The following TMEM178B variants were observed in gnomAD, a reference collection of about 807,000 sequenced individuals.
The protein encoded by TMEM178B is transmembrane protein 178B.
A neutral mutation model predicts 31.0 loss-of-function variants in TMEM178B; 5 were observed. The observed-to-expected ratio is 0.16, with a 90% confidence interval of 0.08 to 0.34. The LOEUF (loss-of-function observed/expected upper bound fraction) is 0.34. Among genes scored for constraint, TMEM178B ranks in the 10% least tolerant of loss-of-function variants. The pLI is 1.00. For synonymous variants in TMEM178B, 164 were observed against 164.0 expected (o/e 1.00, Z 0.00); for missense variants, 275 against 400.3 (o/e 0.69, Z 2.67).
chr7:141,398,339 G>A (rs1472948124), intron 2 of TMEM178B, among the ~76,000 whole-genome samples: 1 of 152,118 alleles, frequency 6.6e-6, no homozygotes, highest in Non-Finnish European at 1.5e-5. Flanking sequence ...TGGGAACATT[G>A]AGGATGGAGG....
intron 2 of TMEM178B, among the ~76,000 whole-genome samples, chr7:141,303,163 G>A (rs955951165): frequency 9.2e-5 from 14 of 152,198 alleles, no homozygotes; most frequent in Middle Eastern, 3.4e-3. Context: ...TGTGTGCATC[G>A]TTGTGGGGAT....
chr7:141,482,701 G>A (rs1211848157), downstream of TMEM178B, among the ~76,000 whole-genome samples: 1 of 152,170 alleles, frequency 6.6e-6, no homozygotes, highest in Non-Finnish European at 1.5e-5. Flanking sequence ...TTATTACACA[G>A]GAAAGATACA....
At chr7:141,426,875 G>A (rs890968045) in intron 2 of TMEM178B, among the ~76,000 whole-genome samples, 1 of 151,940 alleles carries the variant, frequency 6.6e-6, no homozygotes, top group Non-Finnish European at 1.5e-5. Flanking sequence ...AATTAAAGTT[G>A]CAATTTACAA....
At chr7:141,394,802 A>G (rs542550829) in intron 2 of TMEM178B, among the ~76,000 whole-genome samples, 7 of 152,374 alleles carry the variant, frequency 4.6e-5, no homozygotes, top group South Asian at 2.1e-4. Context: ...GAGGAATGAC[A>G]TAAACAGTTC....
In TMEM178B at chr7:141,423,308, C is replaced by T. The variant is rs377693087; in HGVS notation, c.497-14300C>T. On this transcript the variant is annotated intron_variant, in intron 2 of 3. Transcript: ENST00000565468. Reference sequence around the variant, plus strand: ...CCTCCCAAAGTGCTGGGATTACAGGCGTGAGCCACCATGCCCAGCCCATAA... The same window carrying T: ...CCTCCCAAAGTGCTGGGATTACAGGTGTGAGCCACCATGCCCAGCCCATAA... Among the ~76,000 whole-genome samples the T allele has an allele frequency of 1.2e-4, 19 of 152,324 alleles. No individual in the cohort carries two copies. In the East Asian group the frequency reaches 2.9e-3, roughly 23 times the overall value.
intron 3 of TMEM178B, among the ~76,000 whole-genome samples, chr7:141,445,430 C>G (rs1045772964): frequency 6.6e-6 from 1 of 152,230 alleles, no homozygotes; most frequent in African/African-American, 2.4e-5. Context: ...GGTTTCCCCA[C>G]CAGCCTTTCC....
At chr7:141,234,037 C>G (rs1391778922) in intron 2 of TMEM178B, among the ~76,000 whole-genome samples, 1 of 152,202 alleles carries the variant, frequency 6.6e-6, no homozygotes, top group East Asian at 1.9e-4. Flanking sequence ...GTAGTCCTCT[C>G]TGATGCTTCT....
At chr7:141,397,471 G>T (rs1431850225) in intron 2 of TMEM178B, among the ~76,000 whole-genome samples, 1 of 152,112 alleles carries the variant, frequency 6.6e-6, no homozygotes, top group Non-Finnish European at 1.5e-5. Flanking sequence ...AACTTAGAAT[G>T]AGCCATGGTC....
At chr7:141,490,643 G>T in the TMEM178B span, among the ~76,000 whole-genome samples, 1 of 152,250 alleles carries the variant, frequency 6.6e-6, no homozygotes, top group Non-Finnish European at 1.5e-5. Context: ...TACACCTATT[G>T]AGTGTGTAGA....
chr7:141,120,881 C>T (rs981082465), intron 1 of TMEM178B, among the ~76,000 whole-genome samples: 5 of 151,980 alleles, frequency 3.3e-5, no homozygotes, highest in African/African-American at 1.2e-4. Flanking sequence ...GGGAGGATCA[C>T]TTGAGCCCAT....
chr7:141,369,254 T>C (rs775903882), intron 2 of TMEM178B, among the ~76,000 whole-genome samples: 9 of 152,196 alleles, frequency 5.9e-5, no homozygotes, highest in Non-Finnish European at 1.3e-4. Flanking sequence ...CCTAGTATAA[T>C]TTCCTCTCAT....
At chr7:141,351,154 A>G (rs1364965084) in intron 2 of TMEM178B, among the ~76,000 whole-genome samples, 1 of 152,218 alleles carries the variant, frequency 6.6e-6, no homozygotes, top group East Asian at 1.9e-4. Flanking sequence ...AGAGTGTCTC[A>G]CCTATTCCTT....
intron 1 of TMEM178B, among the ~76,000 whole-genome samples, chr7:141,124,457 T>A (rs1332608735): frequency 6.6e-6 from 1 of 152,198 alleles, no homozygotes; most frequent in Non-Finnish European, 1.5e-5. Context: ...TATCAAACAT[T>A]AAGAAGTGAT....
At chr7:141,484,849 G>A (rs75217170), downstream of TMEM178B, among the ~76,000 whole-genome samples, 263 of 152,014 alleles carry the variant, frequency 1.7e-3, 4 homozygotes, top group East Asian at 0.043. This position sits in a 1 kb window ranked among gnomAD's most constrained non-coding sequence, Gnocchi z 4.8. Flanking sequence ...GACGTGAGCC[G>A]GGCTCAGCTG....
rs905478436 is a variant in TMEM178B, at chr7:141,479,521, G to A, written c.*8735G>A. On this transcript the variant is annotated 3_prime_UTR_variant, in exon 4 of 4. Coordinates refer to ENST00000565468, the MANE Select transcript of TMEM178B (RefSeq NM_001195278.2). ...CCTCTTTTGTTTGTGAAAAAGATAG[G>A]TATCGAGATCTTAATGGAGAGAACA... 2 of 152,262 alleles carry A rather than the reference G, an allele frequency of 1.3e-5. No individual in the cohort carries two copies. Among genetic ancestry groups the A allele is most frequent in the East Asian group, 1.9e-4 (1 of 5,190 alleles). The allele number at this position is 152,262 out of a possible 1,614,324, so 9.4% of individuals were successfully genotyped here.
intron 2 of TMEM178B, among the ~76,000 whole-genome samples, chr7:141,246,093 T>A (rs966990010): frequency 3.3e-5 from 5 of 152,142 alleles, no homozygotes; most frequent in African/African-American, 1.2e-4. Flanking sequence ...TATCACAACT[T>A]TTTATTTTTG....
intron 1 of TMEM178B, among the ~76,000 whole-genome samples, chr7:141,128,482 C>T: frequency 6.6e-6 from 1 of 151,978 alleles, no homozygotes; most frequent in East Asian, 1.9e-4. Context: ...AAATGCTTCT[C>T]TACAATGAAC....
intron 1 of TMEM178B, among the ~76,000 whole-genome samples, chr7:141,097,945 C>G (rs1186148561): frequency 1.3e-5 from 2 of 152,032 alleles, no homozygotes; most frequent in African/African-American, 4.8e-5. Context: ...GTGTGTGCCA[C>G]CATGCCTGGC....
At chr7:141,509,479 G>A in the TMEM178B span, among the ~76,000 whole-genome samples, 3 of 152,028 alleles carry the variant, frequency 2.0e-5, no homozygotes, top group East Asian at 1.9e-4. Flanking sequence ...GCAAAACCCC[G>A]TCTCTACTAA....
Sources: gnomAD v4.1 joint callset for allele counts (sites outside exome capture counted in the v4.1 genomes callset) on GRCh38, gnomAD v4.1.1 for gene constraint, Gnocchi (gnomAD v3.1) non-coding constraint, MANE v1.5 for transcripts, NCBI Gene and HGNC (gene_info 2026-07-23, HGNC 2026-07-21) for gene names.